ARPP21: variants seen among roughly 807,000 people sequenced by gnomAD.
The protein encoded by ARPP21 is cAMP regulated phosphoprotein 21.
In ARPP21, 69 loss-of-function variants were observed where a neutral mutation model predicts 113.2. The ratio of observed to expected loss-of-function variants is 0.61; its 90% CI spans 0.50 to 0.74. The LOEUF is 0.74. Among genes scored for constraint, ARPP21 ranks in the 30% least tolerant of loss-of-function variants. The pLI, the probability that ARPP21 is intolerant of heterozygous loss-of-function variation, is 0.00. For synonymous variants in ARPP21, 368 were observed against 375.5 expected (o/e 0.98, Z 0.23); for missense variants, 1,070 against 1,037.4 (o/e 1.03, Z -0.43).
At chr3:35,654,470 G>GATA (rs1703887266) in intron 1 of ARPP21, among the ~76,000 whole-genome samples, 1 of 152,060 alleles carries the variant, frequency 6.6e-6, no homozygotes, top group Admixed American at 6.6e-5. Flanking sequence ...GGAATTTACC[G>GATA]ATATTGAGCA....
In ARPP21 at chr3:35,793,872, C is replaced by T; in HGVS notation, c.2458C>T (p.Pro820Ser). ...NNLRLIGPHC[P>S]SSTVPVMSAS... Reference sequence around the variant, plus strand: ...CCTTAGGCTGATTGGCCCACACTGCCCCTCCAGCACTGTCCCAGTGATGTC... The same window carrying T: ...CCTTAGGCTGATTGGCCCACACTGCTCCTCCAGCACTGTCCCAGTGATGTC... The change falls in exon 21 of 21, where the codon CCC becomes TCC. Residue 820 changes from proline (P) to serine (S), a missense_variant. Physicochemically the swap from Pro to Ser is moderately conservative, Grantham distance 74. Coordinates refer to ENST00000684406, the MANE Select transcript of ARPP21 (RefSeq NM_001385562.1). 1 of 1,614,148 alleles carries T rather than the reference C, an allele frequency of 6.2e-7. No homozygotes were observed. The highest frequency in any genetic ancestry group is 8.5e-7 in the Non-Finnish European group (1 of 1,179,992).
Position 35,690,959 on chromosome 3 carries a change from C to G in ARPP21, c.640C>G (p.Gln214Glu). The change falls in exon 9 of 21, where the codon CAA (glutamine) becomes GAA (glutamate). Residue 214 changes from glutamine (Q) to glutamate (E), a missense_variant. Transcript: ENST00000684406. ...TTTTGGATTGGATCACAATGTGGAT[C>G]AAACAGGAAAATCTGTTATCATCAA... ...AYFGLDHNVD[Q>E]TGKSVIINKT... The G allele has an allele frequency of 6.2e-7, 1 of 1,610,730 alleles. No homozygotes were observed. Among genetic ancestry groups the G allele is most frequent in the Non-Finnish European group, 8.5e-7 (1 of 1,177,878 alleles).
chr3:35,768,065 G>A (rs2096050948), intron 19 of ARPP21, among the ~76,000 whole-genome samples: 1 of 148,078 alleles, frequency 6.8e-6, no homozygotes, highest in Non-Finnish European at 1.5e-5. Context: ...CATGCCCAGT[G>A]CCCCATGCTT....
chr3:35,753,772 G>C (rs2095480519), intron 19 of ARPP21, among the ~76,000 whole-genome samples: 1 of 152,024 alleles, frequency 6.6e-6, no homozygotes, highest in East Asian at 1.9e-4. Context: ...CGAGCTGTTA[G>C]TATTAACAGC....
intron 19 of ARPP21, among the ~76,000 whole-genome samples, chr3:35,744,923 T>A (rs1576538609): frequency 6.6e-6 from 1 of 152,164 alleles, no homozygotes. Flanking sequence ...ATCACAGACA[T>A]CCTAAGAATA....
intron 19 of ARPP21, among the ~76,000 whole-genome samples, chr3:35,783,846 A>AT (rs1028257930): frequency 8.6e-5 from 13 of 152,006 alleles, no homozygotes; most frequent in Non-Finnish European, 1.3e-4. Flanking sequence ...TCTCGAATGC[A>AT]TTTTTTTGTA....
At chr3:35,663,803 G>A (rs1275579765) in intron 1 of ARPP21, among the ~76,000 whole-genome samples, 3 of 152,260 alleles carry the variant, frequency 2.0e-5, no homozygotes, top group Middle Eastern at 3.4e-3. Context: ...CTGCTGGGCC[G>A]TGGGAATTGG....
intron 5 of ARPP21, chr3:35,685,903 G>T (rs2080409381): frequency 1.6e-6 from 1 of 609,238 alleles, no homozygotes; most frequent in African/African-American, 2.0e-5. Context: ...TAGCACTTTT[G>T]TGTGTTCTTT....
chr3:35,662,013 A>C (rs192933696), intron 1 of ARPP21, among the ~76,000 whole-genome samples: 13 of 152,264 alleles, frequency 8.5e-5, no homozygotes, highest in Admixed American at 7.2e-4. Context: ...GGAGGTGTTC[A>C]CAAGTAGACA....
chr3:35,734,098 T>C (rs976671136), intron 15 of ARPP21, among the ~76,000 whole-genome samples: 8 of 152,188 alleles, frequency 5.3e-5, no homozygotes, highest in African/African-American at 1.9e-4. Context: ...TATGTGCGTA[T>C]GTGTGTGTGG....
In ARPP21 at chr3:35,663,386, C is replaced by T. The variant is rs1410509621; in HGVS notation, c.-212-16401C>T. Reference sequence around the variant, plus strand: ...CACCTGGACTGAAGCCCAGTCTGGGCGCATAGTTCTTGCATCTGACAATGA... The same window carrying T: ...CACCTGGACTGAAGCCCAGTCTGGGTGCATAGTTCTTGCATCTGACAATGA... On this transcript the variant is annotated intron_variant, in intron 1 of 20. Transcript: ENST00000684406. Among the ~76,000 whole-genome samples, 5 of 152,250 alleles carry T rather than the reference C, an allele frequency of 3.3e-5. No individual in the cohort carries two copies. The South Asian group carries it at 8.3e-4, about 25-fold the overall frequency.
At chr3:35,772,839 G>A (rs1157502594) in intron 19 of ARPP21, among the ~76,000 whole-genome samples, 3 of 152,182 alleles carry the variant, frequency 2.0e-5, no homozygotes, top group Non-Finnish European at 4.4e-5. Flanking sequence ...ATTGATGTCA[G>A]CCTCCGAGCT....
intron 1 of ARPP21, among the ~76,000 whole-genome samples, chr3:35,659,386 A>G (rs971584549): frequency 8.5e-5 from 13 of 152,192 alleles, no homozygotes; most frequent in Admixed American, 5.9e-4. Flanking sequence ...TATTTTAAGC[A>G]ATTGAAAAAT....
At chr3:35,774,792 T>A (rs2096305412) in intron 19 of ARPP21, 1 of 152,206 alleles carries the variant, frequency 6.6e-6, no homozygotes, top group South Asian at 2.1e-4. Context: ...GCAAAATAAC[T>A]TTTGTATGTG....
chr3:35,747,304 G>A (rs999678223), intron 19 of ARPP21, among the ~76,000 whole-genome samples: 3 of 146,202 alleles, frequency 2.1e-5, no homozygotes, highest in Admixed American at 1.4e-4. Flanking sequence ...GCAGTGAGTC[G>A]AGATTGCACC....
chr3:35,750,703 G>T (rs1211839428), intron 19 of ARPP21, among the ~76,000 whole-genome samples: 2 of 152,150 alleles, frequency 1.3e-5, no homozygotes, highest in East Asian at 3.9e-4. Flanking sequence ...GCCCTGGAAT[G>T]AATTTCAAGG....
intron 9 of ARPP21, among the ~76,000 whole-genome samples, chr3:35,695,842 T>A (rs900487794): frequency 2.6e-5 from 4 of 151,562 alleles, no homozygotes; most frequent in Admixed American, 2.0e-4. Context: ...AGCCACCTAA[T>A]GAAAAGGATT....
At chr3:35,715,553 T>C in intron 12 of ARPP21, 77 bp downstream of exon 12, 2 of 1,161,492 alleles carry the variant, frequency 1.7e-6, no homozygotes, top group Non-Finnish European at 1.3e-6. Flanking sequence ...CATAAATATA[T>C]ATCCCATATA....
At chr3:35,731,490 T>A (rs925506998) in intron 15 of ARPP21, among the ~76,000 whole-genome samples, 1 of 152,216 alleles carries the variant, frequency 6.6e-6, no homozygotes, top group Non-Finnish European at 1.5e-5. Context: ...AGGAAATGTA[T>A]GCATATATTG....
Sources: allele counts gnomAD v4.1 joint callset (sites outside exome capture counted in the v4.1 genomes callset), GRCh38; gene constraint gnomAD v4.1.1; transcripts MANE v1.5; gene names NCBI Gene and HGNC (gene_info 2026-07-23, HGNC 2026-07-21).